KALRN: variants seen among roughly 807,000 people sequenced by gnomAD.
KALRN encodes kalirin RhoGEF kinase.
Under a neutral mutation model 353.7 loss-of-function variants are expected in KALRN, and 70 were observed. The ratio of observed to expected loss-of-function variants is 0.20; its 90% CI spans 0.16 to 0.24. The LOEUF is 0.24. Among genes scored for constraint, KALRN ranks in the 10% least tolerant of loss-of-function variants. The pLI, the probability that KALRN is intolerant of heterozygous loss-of-function variation, is 1.00. For missense variants in KALRN, 2,791 were observed against 3,756.7 expected (o/e 0.74, Z 6.72); for synonymous variants, 1,391 against 1,434.8 (o/e 0.97, Z 0.69).
At chr3:124,613,872 A>C (rs2078263125) in intron 34 of KALRN, among the ~76,000 whole-genome samples, 1 of 152,106 alleles carries the variant, frequency 6.6e-6, no homozygotes, top group African/African-American at 2.4e-5. Context: ...CAGCTCCCAT[A>C]CTCAAGACTC....
chr3:124,636,297 G>A (rs925135558), intron 36 of KALRN, among the ~76,000 whole-genome samples: 53 of 152,258 alleles, frequency 3.5e-4, no homozygotes, highest in African/African-American at 1.2e-3. Flanking sequence ...CACAAACGGT[G>A]CAGGGTTAAC....
chr3:124,189,564 A>G (rs1174656789), intron 1 of KALRN, among the ~76,000 whole-genome samples: 1 of 152,204 alleles, frequency 6.6e-6, no homozygotes, highest in Non-Finnish European at 1.5e-5. Context: ...GCACTTTGGG[A>G]AGCCGAGGCG....
At chr3:124,492,018 T>A (rs996438015) in intron 31 of KALRN, among the ~76,000 whole-genome samples, 1 of 152,066 alleles carries the variant, frequency 6.6e-6, no homozygotes, top group African/African-American at 2.4e-5. Context: ...ACAGCAGTGA[T>A]GTTAGCCTGT....
intron 57 of KALRN, among the ~76,000 whole-genome samples, chr3:124,712,263 C>T (rs1335472824): frequency 1.3e-5 from 2 of 152,008 alleles, no homozygotes; most frequent in Non-Finnish European, 1.5e-5. Flanking sequence ...CGTGTCATGG[C>T]CCCACAAAGA....
chr3:124,718,335 A>C (rs897614381), intron 59 of KALRN, among the ~76,000 whole-genome samples: 2 of 150,874 alleles, frequency 1.3e-5, no homozygotes, highest in African/African-American at 2.4e-5. Context: ...CTTGGCTAGG[A>C]TGGTCTCGAA....
intron 57 of KALRN, among the ~76,000 whole-genome samples, chr3:124,709,949 AT>A (rs1170506114): frequency 2.0e-5 from 3 of 152,236 alleles, no homozygotes; most frequent in Admixed American, 2.0e-4. Context: ...GTCATGAAGG[AT>A]TAGGAATCAT....
chr3:124,580,608 G>T (rs1355974693), intron 34 of KALRN, among the ~76,000 whole-genome samples: 2 of 152,092 alleles, frequency 1.3e-5, no homozygotes, highest in African/African-American at 4.8e-5. Context: ...AATAAACCTG[G>T]TCACATATCT....
chr3:124,463,953 C>A (rs2060091149), intron 25 of KALRN, among the ~76,000 whole-genome samples: 2 of 152,056 alleles, frequency 1.3e-5, no homozygotes, highest in South Asian at 2.1e-4. Flanking sequence ...GATATAAGTT[C>A]CCAGTCTTTT....
chr3:124,244,429 G>A (rs979516715), intron 3 of KALRN, among the ~76,000 whole-genome samples: 1 of 152,080 alleles, frequency 6.6e-6, no homozygotes, highest in African/African-American at 2.4e-5. Flanking sequence ...TAGAGATGGG[G>A]TTTCACTATG....
chr3:124,460,503 C>T (rs1456375140), intron 23 of KALRN, among the ~76,000 whole-genome samples: 1 of 152,230 alleles, frequency 6.6e-6, no homozygotes, highest in Non-Finnish European at 1.5e-5. Flanking sequence ...CAAAGGCCGT[C>T]AGTTTATGTT....
At chr3:124,408,252 G>A (rs1331885147) in intron 13 of KALRN, among the ~76,000 whole-genome samples, 1 of 152,132 alleles carries the variant, frequency 6.6e-6, no homozygotes, top group South Asian at 2.1e-4. Context: ...TATGGGTTTT[G>A]TTTTTTGTTT....
intron 11 of KALRN, among the ~76,000 whole-genome samples, chr3:124,388,185 G>A (rs1397384992): frequency 6.6e-6 from 1 of 151,958 alleles, no homozygotes; most frequent in African/African-American, 2.4e-5. Context: ...CTGTTGCTTT[G>A]TAATAATTAT....
chr3:124,157,693 A>G (rs2069215509), intron 1 of KALRN, among the ~76,000 whole-genome samples: 1 of 152,172 alleles, frequency 6.6e-6, no homozygotes, highest in Non-Finnish European at 1.5e-5. Context: ...ACTGATCACT[A>G]AAAAAAGGAA....
rs142884897 is a variant in KALRN at position 124,159,423 on chromosome 3, A to G, written c.74-68567A>G. ...GTAGCTGGGACTATAAGCATGTGCC[A>G]CCACGCCTGACCCATTTTTTGTATT... On this transcript the variant is annotated intron_variant, in intron 1 of 59. Coordinates refer to ENST00000682506, the MANE Select transcript of KALRN (RefSeq NM_001388419.1). Among the ~76,000 whole-genome samples, 63 of 152,170 alleles carry G rather than the reference A, an allele frequency of 4.1e-4. 1 individual carries two copies. The East Asian group carries it at 9.1e-3, about 22-fold the overall frequency.
At chr3:124,337,562 T>C (rs1046066662) in intron 9 of KALRN, among the ~76,000 whole-genome samples, 1 of 152,118 alleles carries the variant, frequency 6.6e-6, no homozygotes, top group African/African-American at 2.4e-5. Flanking sequence ...TTATTGAGGA[T>C]TTTTGCGTCA....
chr3:124,570,216 A>G (rs2073357214), intron 34 of KALRN, among the ~76,000 whole-genome samples: 1 of 152,256 alleles, frequency 6.6e-6, no homozygotes, highest in Non-Finnish European at 1.5e-5. Flanking sequence ...GGGAGGCTAA[A>G]AAAATAATTA....
chr3:124,298,720 T>C, intron 5 of KALRN, 71 bp from the exon 6 acceptor site: 1 of 1,563,154 alleles, frequency 6.4e-7, no homozygotes. Context: ...CCCCTTCCAC[T>C]AGCTCTGAAA....
chr3:124,105,501 G>A (rs1371234182), intron 1 of KALRN, among the ~76,000 whole-genome samples: 1 of 151,996 alleles, frequency 6.6e-6, no homozygotes, highest in Non-Finnish European at 1.5e-5. Flanking sequence ...GTATTGACAA[G>A]GGAGACAGGA....
At chr3:124,388,706 A>T (rs755186732) in intron 11 of KALRN, among the ~76,000 whole-genome samples, 9 of 152,178 alleles carry the variant, frequency 5.9e-5, no homozygotes, top group Non-Finnish European at 1.2e-4. Context: ...TGGGGAATCT[A>T]ACTTGCTGAG....
Sources: gnomAD v4.1 joint callset for allele counts (sites outside exome capture counted in the v4.1 genomes callset) on GRCh38, gnomAD v4.1.1 for gene constraint, MANE v1.5 for transcripts, NCBI Gene and HGNC (gene_info 2026-07-23, HGNC 2026-07-21) for gene names.